The following DYNC2H1 variants were observed in gnomAD, a reference collection of about 807,000 sequenced individuals.
DYNC2H1 encodes the protein dynein cytoplasmic 2 heavy chain 1, also known as cytoplasmic dynein 2 heavy chain 1.
In DYNC2H1, 410 loss-of-function variants were observed where a neutral mutation model predicts 570.0. The observed-to-expected ratio is 0.72, with a 90% confidence interval of 0.66 to 0.78. The LOEUF is 0.78. DYNC2H1 is among the 30% of genes least tolerant of loss of function. The pLI is 0.00. For missense variants in DYNC2H1, 4,865 were observed against 5,046.4 expected (o/e 0.96, Z 1.09); for synonymous variants, 1,688 against 1,677.6 (o/e 1.01, Z -0.15).
chr11:103,263,586 C>A (rs964163801), intron 70 of DYNC2H1, among the ~76,000 whole-genome samples: 1 of 152,228 alleles, frequency 6.6e-6, no homozygotes, highest in Non-Finnish European at 1.5e-5. Context: ...TACATGGAAA[C>A]TGAACAACCT....
chr11:103,333,422 C>T (rs1938931562), intron 82 of DYNC2H1, among the ~76,000 whole-genome samples: 1 of 152,122 alleles, frequency 6.6e-6, no homozygotes, highest in South Asian at 2.1e-4. Flanking sequence ...CACCACTTCG[C>T]CAGGCTAACT....
Position 103,245,240 on chromosome 11 carries a change from T to A in DYNC2H1, c.9919-11T>A. Reference sequence around the variant, plus strand: ...TAAATAATTAATACGTATTCTTTTTTATTCAATTAGGATAGTAACTTTATC... The same window carrying A: ...TAAATAATTAATACGTATTCTTTTTAATTCAATTAGGATAGTAACTTTATC... On this transcript the variant is annotated splice_polypyrimidine_tract_variant and intron_variant, in intron 64 of 88. Transcript: ENST00000375735. The surrounding 1 kb of genome is among the most constrained non-coding windows in gnomAD (Gnocchi z 4.5). The A allele has an allele frequency of 1.3e-6, 2 of 1,506,260 alleles. No individual in the cohort carries two copies. The highest frequency in any genetic ancestry group is 1.4e-5 in the African/African-American group (1 of 71,282). The allele number at this position is 1,506,260 out of a possible 1,614,324, so 93.3% of individuals were successfully genotyped here. A position where few individuals can be genotyped will look rare whatever the true frequency, so the allele number is the denominator to read the frequency against.
intron 47 of DYNC2H1, among the ~76,000 whole-genome samples, chr11:103,193,807 C>T (rs1403981592): frequency 6.6e-6 from 1 of 152,060 alleles, no homozygotes; most frequent in African/African-American, 2.4e-5. Flanking sequence ...CTTGGCCTCC[C>T]AAGGTGCTGG....
At chr11:103,223,144 G>A (rs1863656685) in intron 59 of DYNC2H1, 58 bp downstream of exon 59, 1 of 1,389,936 alleles carries the variant, frequency 7.2e-7, no homozygotes, top group Non-Finnish European at 9.5e-7. Context: ...GTTTGATGAG[G>A]TTTTAATAAT....
chr11:103,234,178 G>T lies in DYNC2H1; in HGVS notation c.9567+18G>T, dbSNP rs1337696570. 5.7e-6 allele frequency: 9 copies of T among 1,575,088 alleles called. No individual in the cohort carries two copies. The highest frequency in any genetic ancestry group is 1.2e-5 in the South Asian group (1 of 85,072). Reference sequence around the variant, plus strand: ...ATGCACAGGTTTGTTTGAGAGAGGGGCCATGAGGAGTCTACCTTTAAACTG... The same window carrying T: ...ATGCACAGGTTTGTTTGAGAGAGGGTCCATGAGGAGTCTACCTTTAAACTG... On this transcript the variant is annotated intron_variant, in intron 61 of 88. Transcript: ENST00000375735.
At chr11:103,160,399 G>A (rs1861042890) in intron 28 of DYNC2H1, among the ~76,000 whole-genome samples, 1 of 151,914 alleles carries the variant, frequency 6.6e-6, no homozygotes, top group African/African-American at 2.4e-5. Context: ...AAGTCTTTTT[G>A]TAGACATACA....
rs1945152488 is a variant in DYNC2H1 at position 103,465,117 on chromosome 11, C to T, written c.12649-3472C>T. Among the ~76,000 whole-genome samples the T allele has an allele frequency of 6.6e-6, 1 of 150,652 alleles. No homozygotes were observed. The highest frequency in any genetic ancestry group is 2.1e-4 in the South Asian group (1 of 4,736). ...ACTAAAATGGATATACAATCCATAGCAGAAAAGGAGAAAAAGCAAAAAAAG... is the reference window on the plus strand; with the variant it reads ...ACTAAAATGGATATACAATCCATAGTAGAAAAGGAGAAAAAGCAAAAAAAG... On this transcript the variant is annotated intron_variant, in intron 87 of 88. Transcript: ENST00000375735. This position sits in a 1 kb window ranked among gnomAD's most constrained non-coding sequence, Gnocchi z 4.9.
Position 103,156,789 on chromosome 11 carries a change from G to C in DYNC2H1, c.4127+19G>C, listed in dbSNP as rs1192511299. 2 of 1,583,858 alleles carry C rather than the reference G, an allele frequency of 1.3e-6. No individual in the cohort carries two copies. The highest frequency in any genetic ancestry group is 1.7e-6 in the Non-Finnish European group (2 of 1,173,272). ...ATTTTAGGTCAGTACAATGATGTAA[G>C]ACATAGACACATATGGTATTTTTTT... On this transcript the variant is annotated intron_variant, in intron 26 of 88. Transcript: ENST00000375735.
chr11:103,416,053 G>T (rs1307036672), intron 84 of DYNC2H1, among the ~76,000 whole-genome samples: 1 of 152,134 alleles, frequency 6.6e-6, no homozygotes, highest in Non-Finnish European at 1.5e-5. Flanking sequence ...CACAAGGACA[G>T]AAAACCAAAC....
intron 17 of DYNC2H1, among the ~76,000 whole-genome samples, chr11:103,138,786 T>A (rs1208943494): frequency 1.3e-5 from 2 of 152,174 alleles, no homozygotes; most frequent in East Asian, 1.9e-4. Context: ...TCAGAAGGAA[T>A]GGTACCAGTT....
chr11:103,281,070 G>A (rs1397259615), intron 71 of DYNC2H1, among the ~76,000 whole-genome samples: 3 of 152,020 alleles, frequency 2.0e-5, no homozygotes, highest in Non-Finnish European at 2.9e-5. Flanking sequence ...AGTAGCCAGG[G>A]TGTCAAGGGA....
chr11:103,282,138 T>C (rs776495324), intron 71 of DYNC2H1, 41 bp from the exon 72 acceptor site: 3 of 1,582,148 alleles, frequency 1.9e-6, no homozygotes, highest in Non-Finnish European at 2.6e-6. Flanking sequence ...TAACTGGTTA[T>C]CATTTTTATA....
At chr11:103,182,188 G>T (rs752798959) in intron 40 of DYNC2H1, among the ~76,000 whole-genome samples, 3 of 150,944 alleles carry the variant, frequency 2.0e-5, no homozygotes, top group Non-Finnish European at 3.0e-5. Context: ...CCATCTTGCT[G>T]CCACTTTTTA....
intron 59 of DYNC2H1, among the ~76,000 whole-genome samples, chr11:103,224,607 C>T (rs1863731832): frequency 6.6e-6 from 1 of 152,126 alleles, no homozygotes. Context: ...GAGCAGTATT[C>T]CGTGGGGTAT....
At position 103,320,274 on chromosome 11, in the gene DYNC2H1, C is replaced by T. The variant is rs540809630; in HGVS notation, c.11726-755C>T. Among the ~76,000 whole-genome samples the T allele has an allele frequency of 3.5e-4, 53 of 152,132 alleles. 1 individual carries two copies. The highest frequency in any genetic ancestry group is 6.9e-4 in the Non-Finnish European group (47 of 67,992). On this transcript the variant is annotated intron_variant, in intron 80 of 88. Transcript: ENST00000375735. ...CAAAAATTAGCGGCGTGGTGGCATG[C>T]GCCTGTAATCCCAGCTACTCAGGAG...
rs764267694 is a variant in DYNC2H1, at chr11:103,439,239, G to C, written c.12456+3207G>C. Among the ~76,000 whole-genome samples the C allele has an allele frequency of 6.6e-6, 1 of 152,074 alleles. No individual in the cohort carries two copies. The highest frequency in any genetic ancestry group is 1.5e-5 in the Non-Finnish European group (1 of 68,016). On this transcript the variant is annotated intron_variant, in intron 85 of 88. Transcript: ENST00000375735. The surrounding 1 kb of genome is among the most constrained non-coding windows in gnomAD (Gnocchi z 4.1). ...GCTGCCTAAGCTGGGAACTTAGTAG[G>C]AATAAACCAGATGAGGATGAGACGA...
At chr11:103,178,687 T>A (rs532690012) in intron 38 of DYNC2H1, among the ~76,000 whole-genome samples, 1 of 152,188 alleles carries the variant, frequency 6.6e-6, no homozygotes, top group African/African-American at 2.4e-5. Flanking sequence ...GAAATTGGAT[T>A]TTCTGTAGTT....
chr11:103,181,741 G>C lies in DYNC2H1; in HGVS notation c.6348-16G>C. On this transcript the variant is annotated splice_polypyrimidine_tract_variant and intron_variant, in intron 39 of 88. Coordinates refer to ENST00000375735, the MANE Select transcript of DYNC2H1 (RefSeq NM_001377.3). The surrounding 1 kb of genome is among the most constrained non-coding windows in gnomAD (Gnocchi z 5.0). ...TTTCTTCCTAAGTAATTTTTTATTT[G>C]TCTAAACTGTTTCAGTGATGAAGAG... 3 of 1,538,478 alleles carry C rather than the reference G, an allele frequency of 1.9e-6. No homozygotes were observed. The highest frequency in any genetic ancestry group is 2.6e-6 in the Non-Finnish European group (3 of 1,141,508).
At position 103,163,171 on chromosome 11, in the gene DYNC2H1, C is replaced by G; in HGVS notation, c.4611+24C>G. ...AGGTAAGGGGGCTTACGTGTAGAAG[C>G]TACATAGGCATGGAACGTGGAAAGA... On this transcript the variant is annotated intron_variant, in intron 30 of 88. Transcript: ENST00000375735. This position sits in a 1 kb window ranked among gnomAD's most constrained non-coding sequence, Gnocchi z 4.6. The G allele has an allele frequency of 1.2e-6, 2 of 1,601,636 alleles. No homozygotes were observed. The highest frequency in any genetic ancestry group is 1.7e-6 in the Non-Finnish European group (2 of 1,173,570).
Sources: gnomAD v4.1 joint callset for allele counts (sites outside exome capture counted in the v4.1 genomes callset) on GRCh38, gnomAD v4.1.1 for gene constraint, Gnocchi (gnomAD v3.1) non-coding constraint, MANE v1.5 for transcripts, NCBI Gene and HGNC (gene_info 2026-07-23, HGNC 2026-07-21) for gene names.